The following ME3 variants were observed in gnomAD, a reference collection of about 807,000 sequenced individuals.
The protein encoded by ME3 is NADP-dependent malic enzyme, mitochondrial.
ME3 carries 48 observed loss-of-function variants against 68.9 expected under a neutral mutation model. That is an observed-to-expected ratio of 0.70 (90% CI 0.55 to 0.89). ME3 has a LOEUF of 0.89. Among genes scored for constraint, ME3 ranks in the 40% least tolerant of loss-of-function variants. The pLI, the probability that ME3 is intolerant of heterozygous loss-of-function variation, is 0.00. For missense variants in ME3, 675 were observed against 797.4 expected (o/e 0.85, Z 1.85); for synonymous variants, 320 against 318.8 (o/e 1.00, Z -0.04).
chr11:86,598,650 A>C (rs1960003414), intron 2 of ME3, among the ~76,000 whole-genome samples: 1 of 152,208 alleles, frequency 6.6e-6, no homozygotes. Flanking sequence ...CTGCCTCCTT[A>C]AGTGGGTCTC....
At chr11:86,653,510 A>G (rs1426853667) in intron 2 of ME3, among the ~76,000 whole-genome samples, 2 of 152,252 alleles carry the variant, frequency 1.3e-5, no homozygotes, top group Non-Finnish European at 2.9e-5. Context: ...GTACATAACA[A>G]AATGAAGGCA....
intron 5 of ME3, among the ~76,000 whole-genome samples, chr11:86,500,013 C>T (rs764840231): frequency 6.6e-6 from 1 of 152,226 alleles, no homozygotes; most frequent in Non-Finnish European, 1.5e-5. Flanking sequence ...CCTTCTACCA[C>T]CCCAACTGGC....
intron 6 of ME3, among the ~76,000 whole-genome samples, chr11:86,489,477 CTTTACTTAA>C (rs1386295873): frequency 6.6e-6 from 1 of 152,180 alleles, no homozygotes; most frequent in African/African-American, 2.4e-5. Flanking sequence ...GCCCTAAGTG[CTTTACTTAA>C]CCCAATGAGG....
intron 7 of ME3, 83 bp from the exon 8 acceptor site, chr11:86,465,283 G>A: frequency 9.4e-7 from 1 of 1,066,844 alleles, no homozygotes; most frequent in South Asian, 1.3e-5. Flanking sequence ...AGTGGGGTGG[G>A]GAGGTGCAGG....
At chr11:86,623,983 T>C (rs1011812913) in intron 2 of ME3, among the ~76,000 whole-genome samples, 1 of 152,212 alleles carries the variant, frequency 6.6e-6, no homozygotes, top group Non-Finnish European at 1.5e-5. Context: ...CCCTTCCCTC[T>C]AGCTGCTGAC....
intron 2 of ME3, among the ~76,000 whole-genome samples, chr11:86,600,304 A>C (rs1480075663): frequency 3.3e-5 from 5 of 152,236 alleles, no homozygotes; most frequent in African/African-American, 4.8e-5. Flanking sequence ...TTGCAATCCT[A>C]GTCTCTGATA....
At chr11:86,581,257 A>G (rs79285589) in intron 2 of ME3, among the ~76,000 whole-genome samples, 16,552 of 152,186 alleles carry the variant, frequency 0.11, 1,259 homozygotes, top group African/African-American at 0.2. Context: ...TGTAATTGGT[A>G]TGTATGTGTA....
At chr11:86,668,200 A>T (rs998753280) in intron 2 of ME3, 14 of 152,170 alleles carry the variant, frequency 9.2e-5, no homozygotes, top group African/African-American at 3.4e-4. Context: ...GACCAATGAT[A>T]ATCTCTGTGG....
At chr11:86,527,915 A>G (rs1159333331) in intron 4 of ME3, among the ~76,000 whole-genome samples, 2 of 152,248 alleles carry the variant, frequency 1.3e-5, no homozygotes, top group African/African-American at 4.8e-5. Flanking sequence ...AAAAATGTAG[A>G]GACCATCGAG....
At chr11:86,497,879 T>TA in intron 6 of ME3, 84 bp downstream of exon 6, 1 of 1,439,308 alleles carries the variant, frequency 6.9e-7, no homozygotes, top group African/African-American at 1.4e-5. Context: ...GCTGTGTAGA[T>TA]ATAACCACCC....
intron 2 of ME3, among the ~76,000 whole-genome samples, chr11:86,648,482 G>C (rs4944618): frequency 0.28 from 41,403 of 146,342 alleles, 6,481 homozygotes; most frequent in East Asian, 0.7. Context: ...GATAAGAACA[G>C]AACTGAAGGA....
intron 8 of ME3, chr11:86,457,794 C>T (rs2138677395): frequency 8.0e-7 from 1 of 1,253,660 alleles, no homozygotes; most frequent in Non-Finnish European, 1.0e-6. Flanking sequence ...GTTTTTTTTT[C>T]CAGAGGGAGA....
chr11:86,564,384 A>G (rs529509874), intron 2 of ME3, among the ~76,000 whole-genome samples: 3 of 151,860 alleles, frequency 2.0e-5, no homozygotes, highest in South Asian at 2.1e-4. Flanking sequence ...TCAAATTCAC[A>G]TGGACTAGCA....
intron 2 of ME3, among the ~76,000 whole-genome samples, chr11:86,659,629 G>C (rs1004292136): frequency 6.6e-6 from 1 of 152,200 alleles, no homozygotes. Flanking sequence ...TGGCAGTGTG[G>C]ATGGAGACTA....
intron 2 of ME3, among the ~76,000 whole-genome samples, chr11:86,634,334 C>T (rs1439290421): frequency 6.6e-6 from 1 of 152,202 alleles, no homozygotes; most frequent in East Asian, 1.9e-4. Context: ...TCTCCTTAGA[C>T]TGCTATGATG....
intron 2 of ME3, among the ~76,000 whole-genome samples, chr11:86,644,832 G>C (rs369307743): frequency 1.3e-5 from 2 of 152,214 alleles, no homozygotes; most frequent in African/African-American, 4.8e-5. Context: ...CAGAAGGCGG[G>C]TGATTTCTGC....
chr11:86,461,292 G>A (rs1950212503), intron 8 of ME3, among the ~76,000 whole-genome samples: 1 of 152,134 alleles, frequency 6.6e-6, no homozygotes, highest in Non-Finnish European at 1.5e-5. Flanking sequence ...TAGTGACGTG[G>A]GACAGCTGTG....
At chr11:86,540,471 G>C (rs968568279) in intron 4 of ME3, among the ~76,000 whole-genome samples, 5 of 152,132 alleles carry the variant, frequency 3.3e-5, no homozygotes, top group African/African-American at 1.2e-4. Context: ...ATAGGGGTTT[G>C]GTATGACACA....
chr11:86,526,179 G>A (rs182028078), intron 4 of ME3, among the ~76,000 whole-genome samples: 40 of 152,332 alleles, frequency 2.6e-4, no homozygotes, highest in African/African-American at 7.7e-4. Flanking sequence ...CTAATACTGC[G>A]CTGTTCCAAC....
Sources: allele counts gnomAD v4.1 joint callset (sites outside exome capture counted in the v4.1 genomes callset), GRCh38; gene constraint gnomAD v4.1.1; transcripts MANE v1.5; gene names NCBI Gene and HGNC (gene_info 2026-07-23, HGNC 2026-07-21).